Variants in ROBO1 observed in about 807,000 individuals in gnomAD.
The protein encoded by ROBO1 is roundabout guidance receptor 1, also known as roundabout homolog 1.
In ROBO1, 149 loss-of-function variants were observed where a neutral mutation model predicts 195.9. That is an observed-to-expected ratio of 0.76 (90% confidence interval 0.67 to 0.87). The LOEUF is 0.87. Among genes scored for constraint, ROBO1 ranks in the 40% least tolerant of loss-of-function variants. The probability of loss-of-function intolerance (pLI) is 0.00; values close to 1 mark genes in which losing one functional copy is unlikely to be tolerated. For synonymous variants in ROBO1, 816 were observed against 733.2 expected (o/e 1.11, Z -1.82); for missense variants, 1,933 against 2,068.3 (o/e 0.93, Z 1.27).
chr3:78,617,112 A>G (rs1467576340), intron 27 of ROBO1, among the ~76,000 whole-genome samples: 1 of 152,090 alleles, frequency 6.6e-6, no homozygotes, highest in African/African-American at 2.4e-5. Context: ...GAGGACATAA[A>G]GAGAATGGGA....
At chr3:79,141,127 A>G (rs1311406215) in intron 2 of ROBO1, among the ~76,000 whole-genome samples, 5 of 152,038 alleles carry the variant, frequency 3.3e-5, no homozygotes, top group Non-Finnish European at 7.4e-5. Flanking sequence ...TCTCCTGTAG[A>G]GAGATAGAAA....
rs760919194 is a variant in ROBO1 at position 78,617,963 on chromosome 3, C to G, written c.3954G>C (p.Leu1318=). 1.9e-6 allele frequency: 3 copies of G among 1,613,820 alleles called. No individual in the cohort carries two copies. The highest frequency in any genetic ancestry group is 2.5e-6 in the Non-Finnish European group (3 of 1,179,878). ...GCGCATCCGTATCCATATCTGAGAC[C>G]AGGGGTCCTGAAATGTAGCCATAGG... is the stretch of plus-strand genomic sequence containing the variant. ...PHTYGYISGP[L]VSDMDTDAPE... Residue 1318 remains leucine (L), a synonymous_variant, in exon 27 of 31, where the codon CTG becomes CTC. Coordinates refer to ENST00000464233, the MANE Select transcript of ROBO1 (RefSeq NM_002941.4).
chr3:79,486,583 A>T (rs748261844), intron 2 of ROBO1, among the ~76,000 whole-genome samples: 1 of 152,192 alleles, frequency 6.6e-6, no homozygotes, highest in Non-Finnish European at 1.5e-5. Flanking sequence ...AATTAACAGC[A>T]GAATATCTCT....
chr3:79,619,363 T>A (rs1944931060), intron 1 of ROBO1, among the ~76,000 whole-genome samples: 1 of 152,122 alleles, frequency 6.6e-6, no homozygotes. Context: ...TAGCCTGTGT[T>A]CTCAAGAACT....
chr3:78,698,039 G>A (rs542164181), intron 8 of ROBO1, among the ~76,000 whole-genome samples: 2 of 152,060 alleles, frequency 1.3e-5, no homozygotes, highest in South Asian at 2.1e-4. Flanking sequence ...AAATTGAGGC[G>A]ATTTTTTCCC....
At chr3:79,455,125 G>GT (rs1056899853) in intron 2 of ROBO1, among the ~76,000 whole-genome samples, 7 of 150,154 alleles carry the variant, frequency 4.7e-5, no homozygotes, top group African/African-American at 1.7e-4. Context: ...TTCACACCTT[G>GT]TAAAAAAAAA....
At chr3:78,644,269 T>C (rs1467388153) in intron 21 of ROBO1, among the ~76,000 whole-genome samples, 2 of 152,102 alleles carry the variant, frequency 1.3e-5, no homozygotes, top group African/African-American at 4.8e-5. Context: ...CAGCTGACTT[T>C]TTAAAAAAAT....
chr3:78,984,357 C>T (rs753225257), intron 3 of ROBO1, among the ~76,000 whole-genome samples: 3 of 152,072 alleles, frequency 2.0e-5, no homozygotes, highest in African/African-American at 4.8e-5. Flanking sequence ...GCTAAGCTTG[C>T]CTTTCCCAAA....
chr3:79,760,613 C>CAA lies in ROBO1; in HGVS notation c.-51+7137_-51+7138dup, dbSNP rs55786186. Reference sequence around the variant, plus strand: ...AAAATTATGTTTAAGCAATTCACAGCAAAAAAAAAAAACCTGAATGTTCTA... The same window carrying CAA: ...AAAATTATGTTTAAGCAATTCACAGCAAAAAAAAAAAAAACCTGAATGTTCTA... On this transcript the variant is annotated intron_variant, in intron 1 of 30. Transcript: ENST00000464233. Among the ~76,000 whole-genome samples the CAA allele has an allele frequency of 2.8e-3, 403 of 144,012 alleles. 1 individual carries two copies. The highest frequency in any genetic ancestry group is 3.6e-3 in the East Asian group (18 of 5,006). 94.5% of individuals were successfully genotyped at this position (144,012 alleles called of 152,430 possible). A position where few individuals can be genotyped will look rare whatever the true frequency, so the allele number is the denominator to read the frequency against.
At chr3:78,685,340 C>G (rs1237286428) in intron 10 of ROBO1, among the ~76,000 whole-genome samples, 2 of 152,014 alleles carry the variant, frequency 1.3e-5, no homozygotes, top group African/African-American at 4.8e-5. Flanking sequence ...AAAACTTGTT[C>G]ATTATCATAA....
chr3:79,422,169 TTATG>T (rs1383958126), intron 2 of ROBO1, among the ~76,000 whole-genome samples: 2 of 148,354 alleles, frequency 1.3e-5, no homozygotes, highest in African/African-American at 4.9e-5. Flanking sequence ...AATACATATC[TTATG>T]TATTATATAT....
At chr3:79,483,246 A>T (rs567862852) in intron 2 of ROBO1, among the ~76,000 whole-genome samples, 47 of 152,344 alleles carry the variant, frequency 3.1e-4, no homozygotes, top group African/African-American at 1.1e-3. Flanking sequence ...GTGGAACAAA[A>T]AATGAAAGAT....
At chr3:78,857,398 A>T (rs2034520286) in intron 4 of ROBO1, among the ~76,000 whole-genome samples, 1 of 152,196 alleles carries the variant, frequency 6.6e-6, no homozygotes, top group Admixed American at 6.5e-5. Flanking sequence ...AATCATAAGG[A>T]TTAATTTAAG....
chr3:79,033,161 A>G (rs1270058810), intron 3 of ROBO1, among the ~76,000 whole-genome samples: 1 of 152,086 alleles, frequency 6.6e-6, no homozygotes. Flanking sequence ...ACAATTACAT[A>G]ATTTTAAAGT....
intron 24 of ROBO1, among the ~76,000 whole-genome samples, chr3:78,633,730 T>C (rs2660738): frequency 0.75 from 113,393 of 152,072 alleles, 42,510 homozygotes; most frequent in Admixed American, 0.8. Context: ...ATAGGACACT[T>C]AGTCTTTTTG....
intron 2 of ROBO1, among the ~76,000 whole-genome samples, chr3:79,278,458 A>G (rs2108993896): frequency 6.6e-6 from 1 of 152,306 alleles, no homozygotes; most frequent in Non-Finnish European, 1.5e-5. Context: ...GTGCTACAGT[A>G]ACTAAAGCAG....
chr3:78,858,445 T>C (rs1020477012), intron 4 of ROBO1, among the ~76,000 whole-genome samples: 5 of 151,276 alleles, frequency 3.3e-5, no homozygotes, highest in East Asian at 1.9e-4. Flanking sequence ...AGTGGAAAAC[T>C]GGGTGAGATG....
At chr3:79,247,262 T>A (rs2082642318) in intron 2 of ROBO1, among the ~76,000 whole-genome samples, 1 of 150,360 alleles carries the variant, frequency 6.7e-6, no homozygotes, top group South Asian at 2.1e-4. Context: ...TGTTCCAAAG[T>A]GCACATAATA....
rs533150266 is a variant in ROBO1, at chr3:78,949,050, A to G, written c.173-10123T>C. Among the ~76,000 whole-genome samples the G allele has an allele frequency of 1.1e-3, 158 of 146,480 alleles. 2 individuals are homozygous for G. The East Asian group carries it at 0.025, about 23-fold the overall frequency. On this transcript the variant is annotated intron_variant, in intron 3 of 30. Coordinates refer to ENST00000464233, the MANE Select transcript of ROBO1 (RefSeq NM_002941.4). ...GGAAGAACATTCCATGCTCATGGGT[A>G]GGAAGAATCAATATCGTGAAAATGG...
Sources: gnomAD v4.1 joint callset for allele counts (sites outside exome capture counted in the v4.1 genomes callset) on GRCh38, gnomAD v4.1.1 for gene constraint, MANE v1.5 for transcripts, NCBI Gene and HGNC (gene_info 2026-07-23, HGNC 2026-07-21) for gene names.